Variants in SLC38A8 observed in about 807,000 individuals in gnomAD.
The protein encoded by SLC38A8 is amino acid transporter SLC38A8.
In SLC38A8, 65 loss-of-function variants were observed where a neutral mutation model predicts 46.0. The ratio of observed to expected loss-of-function variants is 1.41; its 90% CI spans 1.16 to 1.74. The LOEUF (loss-of-function observed/expected upper bound fraction) is 1.74. Among genes scored for constraint, SLC38A8 ranks in the 40% most tolerant of loss-of-function variants. The probability of loss-of-function intolerance (pLI) is 0.00; values close to 1 mark genes in which losing one functional copy is unlikely to be tolerated. For missense variants in SLC38A8, 998 were observed against 567.9 expected, an observed-to-expected ratio of 1.76 and a Z score of -7.70; for synonymous variants, 447 against 243.7, an observed-to-expected ratio of 1.83 and a Z score of -7.77.
chr16:84,022,704 G>C (rs571727378), intron 7 of SLC38A8, 71 bp downstream of exon 7: 7 of 1,170,912 alleles, frequency 6.0e-6, no homozygotes, highest in African/African-American at 4.6e-5. Flanking sequence ...TCTCTAGAGA[G>C]ATACTCGCTG....
chr16:84,036,470 A>T (rs901321255), intron 3 of SLC38A8, among the ~76,000 whole-genome samples: 4 of 152,198 alleles, frequency 2.6e-5, no homozygotes, highest in African/African-American at 4.8e-5. Flanking sequence ...GGATATCCTA[A>T]TTGCAGCCAC....
At chr16:84,035,243 C>G (rs1225459171) in intron 3 of SLC38A8, among the ~76,000 whole-genome samples, 1 of 152,164 alleles carries the variant, frequency 6.6e-6, no homozygotes, top group Admixed American at 6.5e-5. Flanking sequence ...TGTGGGGGAG[C>G]AGGACGTTTT....
rs372923783 is a variant in SLC38A8 at position 84,036,703 on chromosome 16, C to G, written c.387G>C (p.Lys129Asn). ...CCCGAGTCCCATGAAGGTACTTACG[C>G]TTCTCCAGCTGGTCCCCGATCACCC... ...FLRVIGDQLE[K>N]LCDSLLSGTP... Residue 129 changes from lysine to asparagine, a missense_variant and splice_region_variant, in exon 3 of 11, where the codon AAG becomes AAC. Lys to Asn is a moderately conservative substitution (Grantham distance 94). Coordinates refer to ENST00000299709, the MANE Select transcript of SLC38A8 (RefSeq NM_001080442.3). The G allele has an allele frequency of 6.2e-7, 1 of 1,614,022 alleles. No individual in the cohort carries two copies. The highest frequency in any genetic ancestry group is 8.5e-7 in the Non-Finnish European group (1 of 1,180,046).
chr16:84,022,864 T>A lies in SLC38A8; in HGVS notation c.716A>T (p.Tyr239Phe). The change falls in exon 7 of 11, where the codon TAC becomes TTC. Residue 239 changes from tyrosine (Y) to phenylalanine (F), a missense_variant. Transcript: ENST00000299709. ...GAGGCTCCGTTTGCGCATGCTGCAG[T>A]AGATGGAGACGGCAGCTTCGTGACA... ...FQCHEAAVSI[Y>F]CSMRKRSLSH... is the part of the protein sequence containing the mutation. 6.2e-7 allele frequency: 1 copy of A among 1,608,042 alleles called. No homozygotes were observed. The highest frequency in any genetic ancestry group is 8.5e-7 in the Non-Finnish European group (1 of 1,177,822).
chr16:84,022,460 T>C (rs1199611587), intron 7 of SLC38A8, among the ~76,000 whole-genome samples: 1 of 152,196 alleles, frequency 6.6e-6, no homozygotes, highest in African/African-American at 2.4e-5. Flanking sequence ...TCAATGTCCT[T>C]TGAACAGCAG....
chr16:84,033,457 A>G lies in SLC38A8; in HGVS notation c.401T>C (p.Leu134Pro), dbSNP rs760011398. The change falls in exon 4 of 11, where the codon CTC becomes CCC. Residue 134 changes from leucine (L) to proline (P), a missense_variant. Coordinates refer to ENST00000299709, the MANE Select transcript of SLC38A8 (RefSeq NM_001080442.3). ...CGGGGCGGGCGGGGTGCCAGACAGG[A>G]GGGAGTCACACACTGCCAGAGACAC... ...GDQLEKLCDS[L>P]LSGTPPAPQP... 1.2e-6 allele frequency: 2 copies of G among 1,606,508 alleles called. No individual in the cohort carries two copies. The highest frequency in any genetic ancestry group is 2.7e-5 in the African/African-American group (2 of 74,782).
chr16:84,014,614 G>A (rs1476542808), intron 9 of SLC38A8, among the ~76,000 whole-genome samples: 1 of 152,240 alleles, frequency 6.6e-6, no homozygotes. Flanking sequence ...ACCTCTGAGA[G>A]CTCTGGGCAG....
At chr16:84,015,250 C>T (rs1380061890) in intron 9 of SLC38A8, among the ~76,000 whole-genome samples, 1 of 152,114 alleles carries the variant, frequency 6.6e-6, no homozygotes, top group Non-Finnish European at 1.5e-5. Context: ...TTCTGGGCTC[C>T]AGTGGGCCAC....
At chr16:84,011,467 A>G (rs1416015001) in intron 10 of SLC38A8, among the ~76,000 whole-genome samples, 1 of 152,170 alleles carries the variant, frequency 6.6e-6, no homozygotes, top group Non-Finnish European at 1.5e-5. Context: ...GCAAAAACCA[A>G]GCTTGGGCTC....
Position 84,009,668 on chromosome 16 carries a change from C to A in SLC38A8, c.*116G>T, listed in dbSNP as rs576785646. The A allele has an allele frequency of 2.4e-5, 20 of 841,820 alleles. 2 individuals carry two copies. In the South Asian group the frequency reaches 3.7e-4, roughly 16 times the overall value. The allele number at this position is 841,820 out of a possible 1,614,324, so 52.1% of individuals were successfully genotyped here. A position where few individuals can be genotyped will look rare whatever the true frequency, so the allele number is the denominator to read the frequency against. The stretch of plus-strand genomic sequence containing the variant: ...AGCAGCCCAAGGAGGCAGAAGGCAT[C>A]AGTCTCTCCAGCATCTTTATGAGGA... On this transcript the variant is annotated 3_prime_UTR_variant, in exon 11 of 11. Coordinates refer to ENST00000299709, the MANE Select transcript of SLC38A8 (RefSeq NM_001080442.3).
At chr16:84,021,077 G>A (rs946019319) in intron 7 of SLC38A8, among the ~76,000 whole-genome samples, 6 of 151,968 alleles carry the variant, frequency 3.9e-5, no homozygotes, top group African/African-American at 9.7e-5. Flanking sequence ...CGGCAGGGGA[G>A]GGATGACAGA....
At chr16:84,037,509 C>A (rs1462102539) in intron 2 of SLC38A8, among the ~76,000 whole-genome samples, 2 of 152,142 alleles carry the variant, frequency 1.3e-5, no homozygotes, top group Non-Finnish European at 2.9e-5. Context: ...GCCTGCAATC[C>A]CAGCACTTCT....
Position 84,033,386 on chromosome 16 carries a change from C to A in SLC38A8, c.472G>T (p.Val158Leu). ...DQRFTLPLLS[V>L]LVILPLSAPR... ...GCAGACAGGGGCAGGATGACCAGCA[C>A]GGAGAGCAGGGGCAGGGTGAAGCGC... Residue 158 changes from valine to leucine, a missense_variant, in exon 4 of 11, where the codon GTG (valine) becomes TTG (leucine). By Grantham distance (32) the Val-to-Leu change is conservative. Coordinates refer to ENST00000299709, the MANE Select transcript of SLC38A8 (RefSeq NM_001080442.3). The A allele has an allele frequency of 1.2e-6, 2 of 1,613,990 alleles. No individual in the cohort carries two copies. The highest frequency in any genetic ancestry group is 1.7e-6 in the Non-Finnish European group (2 of 1,179,960).
intron 6 of SLC38A8, 46 bp downstream of exon 6, chr16:84,029,448 C>T (rs755110162): frequency 2.5e-6 from 4 of 1,602,838 alleles, no homozygotes; most frequent in Non-Finnish European, 3.4e-6. Flanking sequence ...GAGTCACCCA[C>T]AGCCTCTGCA....
intron 7 of SLC38A8, among the ~76,000 whole-genome samples, chr16:84,019,260 G>C (rs190964671): frequency 1.3e-5 from 2 of 152,018 alleles, no homozygotes; most frequent in African/African-American, 2.4e-5. Context: ...GTTTTTAGTA[G>C]AAACGGGGTT....
At chr16:84,013,130 A>G (rs1474522820) in intron 9 of SLC38A8, 78 bp from the exon 10 acceptor site, 4 of 1,560,128 alleles carry the variant, frequency 2.6e-6, no homozygotes, top group African/African-American at 2.7e-5. Context: ...AGAGGTCCTC[A>G]GGGACCCAGG....
At chr16:84,017,096 A>T (rs768095770) in intron 8 of SLC38A8, 44 bp downstream of exon 8, 2 of 1,609,970 alleles carry the variant, frequency 1.2e-6, no homozygotes, top group Non-Finnish European at 1.7e-6. Flanking sequence ...AGCACACATC[A>T]GCAGACCATG....
rs184110449 is a variant in SLC38A8, at chr16:84,022,052, C to T, written c.805+723G>A. On this transcript the variant is annotated intron_variant, in intron 7 of 10. Transcript: ENST00000299709. ...GGCAGAGGCCTCATGCCCCAATCCCCTCTTGAAGGCCCCACGTCTCAATGC... is the reference window on the plus strand; with the variant it reads ...GGCAGAGGCCTCATGCCCCAATCCCTTCTTGAAGGCCCCACGTCTCAATGC... Among the ~76,000 whole-genome samples, 815 of 152,338 alleles carry T rather than the reference C, an allele frequency of 5.3e-3. 4 individuals are homozygous for T. Among genetic ancestry groups the T allele is most frequent in the Non-Finnish European group, 6.0e-3 (405 of 68,036 alleles).
In SLC38A8 at chr16:84,042,002, C is replaced by G. The variant is rs375829411; in HGVS notation, c.156G>C (p.Ala52=). 15 of 1,610,324 alleles carry G rather than the reference C, an allele frequency of 9.3e-6. No homozygotes were observed. Among genetic ancestry groups the G allele is most frequent in the Admixed American group, 1.7e-5 (1 of 59,660 alleles). Residue 52 remains alanine, a synonymous_variant, in exon 2 of 11, where the codon GCG becomes GCC. Transcript: ENST00000299709. ...CCAGGAAGGCAGGGACCACTCCGCC[C>G]GCTTTGGAGAAGGCCCAGGGGAAGT... The part of the protein sequence containing the change: ...LLNFPWAFSK[A]GGVVPAFLVE...
Sources: gnomAD v4.1 joint callset for allele counts (sites outside exome capture counted in the v4.1 genomes callset) on GRCh38, gnomAD v4.1.1 for gene constraint, MANE v1.5 for transcripts, NCBI Gene and HGNC (gene_info 2026-07-23, HGNC 2026-07-21) for gene names.